The following HTT variants were observed in gnomAD, a reference collection of about 807,000 sequenced individuals.
HTT encodes the protein huntington disease protein.
In HTT, 104 loss-of-function variants were observed where a neutral mutation model predicts 362.3. That is an observed-to-expected ratio of 0.29 (90% CI 0.24 to 0.34). The LOEUF is 0.34. Among genes scored for constraint, HTT ranks in the 10% least tolerant of loss-of-function variants. The pLI is 1.00. For missense variants in HTT, 3,301 were observed against 3,928.6 expected (o/e 0.84, Z 4.27); for synonymous variants, 1,577 against 1,548.7 (o/e 1.02, Z -0.43).
chr4:3,224,249 G>A, intron 56 of HTT, 118 bp downstream of exon 56: 2 of 1,070,724 alleles, frequency 1.9e-6, no homozygotes, highest in Non-Finnish European at 2.8e-6. Context: ...GTTGGAGGCT[G>A]TGGTGCTAAA....
chr4:3,189,324 C>T (rs146864112), intron 40 of HTT, among the ~76,000 whole-genome samples: 24 of 152,258 alleles, frequency 1.6e-4, no homozygotes, highest in African/African-American at 5.1e-4. Flanking sequence ...TATTTGCATG[C>T]CAGCATTCAT....
chr4:3,188,015 C>T (rs868271793), intron 39 of HTT, 129 bp downstream of exon 39: 2 of 627,228 alleles, frequency 3.2e-6, no homozygotes, highest in Non-Finnish European at 5.6e-6. Context: ...AAGTCTGTAT[C>T]AGTGTAATTT....
chr4:3,121,316 C>T lies in HTT; in HGVS notation c.1157C>T (p.Thr386Met), dbSNP rs751024193. ...GAGCTGTTGCAGCAGCTCTTCAGAA[C>T]GCCTCCACCCGAGCTTCTGCAAACC... Reference protein sequence around the residue: ...ALELLQQLFRTPPPELLQTLT... With the variant: ...ALELLQQLFRMPPPELLQTLT... The change falls in exon 9 of 67, where the codon ACG becomes ATG. Residue 386 changes from threonine to methionine, a missense_variant. Coordinates refer to ENST00000355072, the MANE Select transcript of HTT (RefSeq NM_001388492.1). The T allele has an allele frequency of 7.4e-6, 12 of 1,613,938 alleles. No homozygotes were observed. The highest frequency in any genetic ancestry group is 2.2e-5 in the East Asian group (1 of 44,886).
chr4:3,181,783 C>A (rs1204367856), intron 36 of HTT, among the ~76,000 whole-genome samples: 1 of 152,112 alleles, frequency 6.6e-6, no homozygotes, highest in Admixed American at 6.5e-5. Flanking sequence ...GCAGGCAGAG[C>A]TGCTTGGGTG....
Position 3,182,370 on chromosome 4 carries a change from T to C in HTT, c.4766T>C (p.Ile1589Thr). Residue 1589 changes from isoleucine (I) to threonine (T), a missense_variant, in exon 37 of 67, where the codon ATT (isoleucine) becomes ACT (threonine). Physicochemically the swap from Ile to Thr is moderately conservative, Grantham distance 89. Transcript: ENST00000355072. ...CTCTTATAGGTGTTGGAGATGTTCA[T>C]TCTTGTCCTGCAGCAGTGCCACAAG... Reference protein sequence around the residue: ...IQYHQVLEMFILVLQQCHKEN... With the variant: ...IQYHQVLEMFTLVLQQCHKEN... 6.2e-7 allele frequency: 1 copy of C among 1,613,442 alleles called. No individual in the cohort carries two copies. Among genetic ancestry groups the C allele is most frequent in the Non-Finnish European group, 8.5e-7 (1 of 1,179,312 alleles).
In HTT at chr4:3,235,734, G is replaced by A. The variant is rs752690276; in HGVS notation, c.8741G>A (p.Arg2914Gln). 5 of 1,611,622 alleles carry A rather than the reference G, an allele frequency of 3.1e-6. No individual in the cohort carries two copies. In the Admixed American group the frequency reaches 5.0e-5, roughly 16 times the overall value. ...AGAGTGAACGTGCACAGCCCGCACC[G>A]GGCCATGGCGGCTCTGGGCCTGATG... is the stretch of plus-strand genomic sequence containing the variant. ...VDRVNVHSPH[R>Q]AMAALGLMLT... Residue 2914 changes from arginine to glutamine, a missense_variant, in exon 63 of 67, where the codon CGG (arginine) becomes CAG (glutamine). Around this residue, in one of 4 missense-constraint regions of HTT, gnomAD observed 753 missense variants for 1,021.3 expected, o/e 0.74. Coordinates refer to ENST00000355072, the MANE Select transcript of HTT (RefSeq NM_001388492.1).
At chr4:3,095,357 T>C (rs61460614) in intron 2 of HTT, among the ~76,000 whole-genome samples, 2 of 152,142 alleles carry the variant, frequency 1.3e-5, no homozygotes, top group Non-Finnish European at 2.9e-5. Flanking sequence ...AAACCCCGTC[T>C]CCACCAAAAA....
intron 51 of HTT, 51 bp from the exon 52 acceptor site, chr4:3,217,714 C>T: frequency 6.8e-7 from 1 of 1,463,254 alleles, no homozygotes; most frequent in Non-Finnish European, 9.4e-7. Context: ...CTACACTGGG[C>T]ATATAGGATG....
rs1056047426 is a variant in HTT, at chr4:3,143,436, C to CAA, written c.3066+568_3066+569dup. ...TGTGCAATAGAGCGAGACTCTGTCT[C>CAA]AAAAAAAAAAAAAAAAAAAGAAAAG... On this transcript the variant is annotated intron_variant, in intron 23 of 66. Coordinates refer to ENST00000355072, the MANE Select transcript of HTT (RefSeq NM_001388492.1). Among the ~76,000 whole-genome samples, 512 of 69,958 alleles carry CAA rather than the reference C, an allele frequency of 7.3e-3. 8 individuals carry two copies. The highest frequency in any genetic ancestry group is 6.6e-3 in the African/African-American group (117 of 17,698). 45.9% of individuals were successfully genotyped at this position (69,958 alleles called of 152,430 possible). A position where few individuals can be genotyped will look rare whatever the true frequency, so the allele number is the denominator to read the frequency against.
At chr4:3,192,756 C>T (rs542932201) in intron 40 of HTT, among the ~76,000 whole-genome samples, 18 of 152,318 alleles carry the variant, frequency 1.2e-4, no homozygotes, top group Middle Eastern at 3.4e-3. Flanking sequence ...CTTTTGTGAT[C>T]AAAGCTCCTT....
At chr4:3,181,591 A>T (rs1411946239) in intron 36 of HTT, among the ~76,000 whole-genome samples, 2 of 152,148 alleles carry the variant, frequency 1.3e-5, no homozygotes, top group Non-Finnish European at 2.9e-5. Context: ...TTTGTCTTTG[A>T]ATCTTCATAA....
At chr4:3,099,656 A>G (rs1395500609) in intron 3 of HTT, among the ~76,000 whole-genome samples, 5 of 123,816 alleles carry the variant, frequency 4.0e-5, no homozygotes, top group African/African-American at 1.5e-4. Context: ...GTGCTCTTGT[A>G]TGGTTTGGAG....
In HTT at chr4:3,233,300, G is replaced by C; in HGVS notation, c.8403G>C (p.Gln2801His). ...ECDLLDDTAK[Q>H]LIPVISDYLL... ...ACCTGCTGGACGACACTGCCAAGCA[G>C]CTCATCCCGGTCATCAGCGACTATC... Residue 2801 changes from glutamine to histidine, a missense_variant, in exon 61 of 67, where the codon CAG (glutamine) becomes CAC (histidine). This residue lies in a region of HTT where 753 missense variants were observed against 1,021.3 expected (regional missense o/e 0.74). Coordinates refer to ENST00000355072, the MANE Select transcript of HTT (RefSeq NM_001388492.1). 3 of 1,609,842 alleles carry C rather than the reference G, an allele frequency of 1.9e-6. No individual in the cohort carries two copies. Among genetic ancestry groups the C allele is most frequent in the African/African-American group, 1.3e-5 (1 of 75,026 alleles).
rs1011904621 is a variant in HTT at position 3,199,902 on chromosome 4, G to A, written c.5539G>A (p.Asp1847Asn). The A allele has an allele frequency of 5.0e-6, 8 of 1,613,946 alleles. No homozygotes were observed. Among genetic ancestry groups the A allele is most frequent in the Middle Eastern group, 3.3e-4 (2 of 6,076 alleles). ...CQILLLVNHT[D>N]YRWWAEVQQT... is the part of the protein sequence containing the mutation. ...GATACTGCTGCTTGTCAACCACACC[G>A]ACTACCGCTGGTGGGCAGAAGTGCA... is the stretch of plus-strand genomic sequence containing the variant. Residue 1847 changes from aspartate to asparagine, a missense_variant, in exon 41 of 67, where the codon GAC becomes AAC. Asp to Asn is a conservative substitution (Grantham distance 23, BLOSUM62 1). This residue lies in a region of HTT where 2,316 missense variants were observed against 2,658.5 expected (regional missense o/e 0.87). Coordinates refer to ENST00000355072, the MANE Select transcript of HTT (RefSeq NM_001388492.1).
intron 60 of HTT, among the ~76,000 whole-genome samples, 194 bp from the exon 61 acceptor site, chr4:3,232,969 A>C (rs1176444963): frequency 2.6e-5 from 4 of 152,228 alleles, no homozygotes; most frequent in Non-Finnish European, 5.9e-5. Context: ...CTCCTCAGTG[A>C]GGATGGTGGG....
intron 1 of HTT, among the ~76,000 whole-genome samples, chr4:3,085,287 G>A (rs1478867628): frequency 1.3e-5 from 2 of 151,916 alleles, no homozygotes; most frequent in South Asian, 2.1e-4. Context: ...ATAGGCGCCC[G>A]CCACCACGCC....
chr4:3,083,530 T>TATACACACACACACAC (rs1165543364), intron 1 of HTT, among the ~76,000 whole-genome samples: 1 of 125,126 alleles, frequency 8.0e-6, no homozygotes, highest in Non-Finnish European at 1.7e-5. Context: ...TCTCTAAATA[T>TATACACACACACACAC]ACACACACAC....
At chr4:3,176,234 A>G (rs1480451536) in intron 33 of HTT, among the ~76,000 whole-genome samples, 1 of 152,008 alleles carries the variant, frequency 6.6e-6, no homozygotes, top group African/African-American at 2.4e-5. Context: ...TCACTGTGTT[A>G]GCCAGGATGG....
At chr4:3,115,997 C>T (rs1715004347) in intron 7 of HTT, 88 bp from the exon 8 acceptor site, 2 of 1,241,786 alleles carry the variant, frequency 1.6e-6, no homozygotes, top group Admixed American at 3.5e-5. Context: ...ATCTTGATCT[C>T]TCAGGATCTC....
Sources: gnomAD v4.1 joint callset for allele counts (sites outside exome capture counted in the v4.1 genomes callset) on GRCh38, gnomAD v4.1.1 for gene constraint, gnomAD v4.1.1 regional missense constraint, MANE v1.5 for transcripts, NCBI Gene and HGNC (gene_info 2026-07-23, HGNC 2026-07-21) for gene names.